DMD: variants seen among roughly 807,000 people sequenced by gnomAD.
DMD encodes the protein mutant dystrophin.
A neutral mutation model predicts 330.1 loss-of-function variants in DMD; 63 were observed. The observed-to-expected ratio is 0.19, with a 90% CI of 0.16 to 0.24. DMD has a LOEUF of 0.24. DMD is among the 10% of genes least tolerant of loss of function. DMD has a pLI of 1.00. For missense variants in DMD, 3,344 were observed against 2,684.1 expected (o/e 1.25, Z -5.43); for synonymous variants, 1,223 against 959.8 (o/e 1.27, Z -5.07).
At chrX:31,170,407 T>C (rs993722783) in intron 73 of DMD, among the ~76,000 whole-genome samples, 2 of 111,016 alleles carry the variant, frequency 1.8e-5, no homozygotes, top group Non-Finnish European at 3.8e-5. Context: ...AACTCTCTAA[T>C]ACACAGGACA....
At chrX:32,058,988 C>T (rs1231515355) in intron 44 of DMD, among the ~76,000 whole-genome samples, 2 of 110,934 alleles carry the variant, frequency 1.8e-5, no homozygotes, top group African/African-American at 3.3e-5. Context: ...ATAAGCAAGT[C>T]GTAAAAGGAC....
At chrX:32,121,268 C>G (rs1948077137) in intron 44 of DMD, among the ~76,000 whole-genome samples, 1 of 110,828 alleles carries the variant, frequency 9.0e-6, no homozygotes, top group African/African-American at 3.3e-5. Context: ...AGGAATGTAT[C>G]TAGTTCTTAA....
intron 2 of DMD, among the ~76,000 whole-genome samples, chrX:32,866,736 G>T (rs2082527975): frequency 1.1e-4 from 4 of 35,501 alleles, no homozygotes; most frequent in Non-Finnish European, 2.2e-4. Context: ...GGGGGGGGTG[G>T]GGGGGTGGGG....
chrX:32,551,831 A>G lies in DMD; in HGVS notation c.1993-6497T>C, dbSNP rs934283052. ...AATATCACTAGTGTTCCTACACACCAACAACATTTAAGCTAAGGCCAAATG... is the reference window on the plus strand; with the variant it reads ...AATATCACTAGTGTTCCTACACACCGACAACATTTAAGCTAAGGCCAAATG... On this transcript the variant is annotated intron_variant, in intron 16 of 78. Transcript: ENST00000357033. Among the ~76,000 whole-genome samples, 2 of 111,845 alleles carry G rather than the reference A, an allele frequency of 1.8e-5. 1 individual carries two copies. The highest frequency in any genetic ancestry group is 3.8e-5 in the Non-Finnish European group (2 of 53,184).
At chrX:32,322,460 G>A (rs1267449283) in intron 41 of DMD, among the ~76,000 whole-genome samples, 1 of 110,960 alleles carries the variant, frequency 9.0e-6, no homozygotes, top group Non-Finnish European at 1.9e-5. Context: ...CCACTAAAGA[G>A]GCTGAGGCAA....
At chrX:32,503,129 C>T (rs749063194) in intron 18 of DMD, among the ~76,000 whole-genome samples, 2 of 112,168 alleles carry the variant, frequency 1.8e-5, no homozygotes, top group African/African-American at 6.5e-5. Flanking sequence ...GGCCTGTAAT[C>T]CGAGCTACTC....
At chrX:31,723,994 C>G (rs376757544) in intron 52 of DMD, among the ~76,000 whole-genome samples, 18 of 112,105 alleles carry the variant, frequency 1.6e-4, no homozygotes, top group African/African-American at 5.2e-4. Context: ...TACTTTTTTC[C>G]TGTATCCCCT....
At chrX:32,797,319 A>G (rs61156274) in intron 7 of DMD, among the ~76,000 whole-genome samples, 8,369 of 112,192 alleles carry the variant, frequency 0.075, 693 homozygotes, top group African/African-American at 0.25. Flanking sequence ...TGTATAAAAC[A>G]CAGTTAACTC....
intron 18 of DMD, 143 bp downstream of exon 18, chrX:32,517,865 C>G (rs1259994676): frequency 8.6e-6 from 6 of 700,573 alleles, no homozygotes; most frequent in Non-Finnish European, 1.3e-5. Context: ...TGCTTGCTAT[C>G]TAAAATATAT....
chrX:32,858,927 TCTCA>T (rs1030028972), intron 2 of DMD, among the ~76,000 whole-genome samples: 4 of 111,175 alleles, frequency 3.6e-5, no homozygotes, highest in African/African-American at 1.3e-4. Context: ...AACTCAGGTC[TCTCA>T]CTCACTCACT....
At chrX:33,085,552 G>C (rs970746319) in intron 1 of DMD, among the ~76,000 whole-genome samples, 2 of 111,737 alleles carry the variant, frequency 1.8e-5, no homozygotes, top group African/African-American at 6.5e-5. Context: ...CAAATGGCAC[G>C]CAATATTAAA....
At chrX:31,455,196 G>A (rs1011640802) in intron 59 of DMD, among the ~76,000 whole-genome samples, 5 of 109,672 alleles carry the variant, frequency 4.6e-5, no homozygotes, top group African/African-American at 1.7e-4. Context: ...TCTGATCTCA[G>A]TTAGATGTGA....
chrX:32,800,965 G>T (rs1012405080), intron 7 of DMD, among the ~76,000 whole-genome samples: 1 of 111,385 alleles, frequency 9.0e-6, no homozygotes, highest in Non-Finnish European at 1.9e-5. Flanking sequence ...GGGCATTTGG[G>T]TTGGTTTCAA....
At chrX:32,147,334 C>A (rs1399144299) in intron 44 of DMD, among the ~76,000 whole-genome samples, 1 of 111,560 alleles carries the variant, frequency 9.0e-6, no homozygotes, top group Non-Finnish European at 1.9e-5. Flanking sequence ...AATAGGTGTC[C>A]CAATATTGCT....
chrX:32,930,961 T>C (rs1401121423), intron 2 of DMD, among the ~76,000 whole-genome samples: 1 of 108,228 alleles, frequency 9.2e-6, no homozygotes, highest in Non-Finnish European at 1.9e-5. Flanking sequence ...TTCTATTATA[T>C]GATTCATATA....
intron 50 of DMD, among the ~76,000 whole-genome samples, chrX:31,816,882 T>A (rs1236581264): frequency 9.0e-6 from 1 of 111,201 alleles, no homozygotes; most frequent in Non-Finnish European, 1.9e-5. Context: ...TTACTCCAGA[T>A]AAATTTAAGA....
chrX:31,810,813 CT>C (rs1453927795), intron 50 of DMD, among the ~76,000 whole-genome samples: 150 of 111,763 alleles, frequency 1.3e-3, no homozygotes, highest in African/African-American at 4.8e-3. Context: ...AGGGTACTTA[CT>C]CTCATAAATA....
At chrX:32,949,066 G>C (rs2091015623) in intron 2 of DMD, among the ~76,000 whole-genome samples, 1 of 111,004 alleles carries the variant, frequency 9.0e-6, no homozygotes, top group African/African-American at 3.3e-5. Flanking sequence ...ATTTTAAAGA[G>C]ATGTTTGGGG....
At chrX:31,682,097 A>C (rs1472217901) in intron 52 of DMD, among the ~76,000 whole-genome samples, 1 of 112,091 alleles carries the variant, frequency 8.9e-6, no homozygotes, top group Non-Finnish European at 1.9e-5. Flanking sequence ...AAATACATAG[A>C]AAGAAATACT....
Sources: gnomAD v4.1 joint callset for allele counts (sites outside exome capture counted in the v4.1 genomes callset) on GRCh38, gnomAD v4.1.1 for gene constraint, MANE v1.5 for transcripts, NCBI Gene and HGNC (gene_info 2026-07-23, HGNC 2026-07-21) for gene names.